The following PLPP3 variants were observed in gnomAD, a reference collection of about 807,000 sequenced individuals.
The protein encoded by PLPP3 is phospholipid phosphatase 3.
PLPP3 carries 6 observed loss-of-function variants against 29.6 expected under a neutral mutation model. The ratio of observed to expected loss-of-function variants is 0.20; its 90% CI spans 0.11 to 0.40. The LOEUF is 0.40. Among genes scored for constraint, PLPP3 ranks in the 10% least tolerant of loss-of-function variants. The pLI is 1.00. For synonymous variants in PLPP3, 152 were observed against 159.7 expected (o/e 0.95, Z 0.36); for missense variants, 308 against 407.7 (o/e 0.76, Z 2.11).
intron 4 of PLPP3, among the ~76,000 whole-genome samples, chr1:56,521,567 CCTT>C (rs1006752478): frequency 4.6e-5 from 7 of 151,922 alleles, no homozygotes; most frequent in Non-Finnish European, 5.9e-5. Flanking sequence ...AGGAGGCTCT[CCTT>C]CTTTTATTTT....
chr1:56,511,933 GT>G, intron 5 of PLPP3, 42 bp downstream of exon 5: 1 of 1,606,536 alleles, frequency 6.2e-7, no homozygotes, highest in Non-Finnish European at 8.5e-7. Flanking sequence ...ACAAGCAACA[GT>G]CCAGGGCTCC....
intron 5 of PLPP3, among the ~76,000 whole-genome samples, chr1:56,508,103 G>A (rs1167272018): frequency 6.6e-6 from 1 of 152,204 alleles, no homozygotes; most frequent in Admixed American, 6.5e-5. Context: ...CTAAATTTGT[G>A]GTAATTTGTT....
chr1:56,533,404 A>G (rs1645903969), intron 2 of PLPP3, among the ~76,000 whole-genome samples: 1 of 152,086 alleles, frequency 6.6e-6, no homozygotes, highest in South Asian at 2.1e-4. Flanking sequence ...GGTTGTGCTG[A>G]GGTTCACTAC....
At chr1:56,543,015 CAA>C (rs397737077) in intron 1 of PLPP3, among the ~76,000 whole-genome samples, 21 of 133,334 alleles carry the variant, frequency 1.6e-4, no homozygotes, top group Admixed American at 1.5e-4. Context: ...GATCTTGTTT[CAA>C]AAAAAAAAAA....
At chr1:56,554,176 C>T (rs945219500) in intron 1 of PLPP3, among the ~76,000 whole-genome samples, 4 of 151,848 alleles carry the variant, frequency 2.6e-5, no homozygotes, top group African/African-American at 9.7e-5. Context: ...CTTAGATCTA[C>T]CTTTTTTTTT....
chr1:56,523,078 A>G (rs778507098), intron 4 of PLPP3, among the ~76,000 whole-genome samples: 3 of 152,266 alleles, frequency 2.0e-5, no homozygotes, highest in Middle Eastern at 3.4e-3. Context: ...AGGAACTCAA[A>G]CATGCTGCTT....
intron 1 of PLPP3, among the ~76,000 whole-genome samples, chr1:56,564,642 CTTA>C (rs951033604): frequency 6.6e-6 from 1 of 152,152 alleles, no homozygotes; most frequent in African/African-American, 2.4e-5. Context: ...ATCAAGACAG[CTTA>C]TTATTCCCCT....
intron 5 of PLPP3, among the ~76,000 whole-genome samples, chr1:56,504,355 A>C (rs1389098267): frequency 6.6e-6 from 1 of 152,142 alleles, no homozygotes; most frequent in Admixed American, 6.5e-5. Context: ...TATGCCAAGG[A>C]ACCTTCCAGG....
chr1:56,563,994 C>T (rs1044162118), intron 1 of PLPP3, among the ~76,000 whole-genome samples: 1 of 152,250 alleles, frequency 6.6e-6, no homozygotes, highest in Non-Finnish European at 1.5e-5. Flanking sequence ...GAACACTTTA[C>T]AAGGTGTGAT....
intron 5 of PLPP3, among the ~76,000 whole-genome samples, chr1:56,507,093 G>C (rs1213895497): frequency 6.6e-6 from 1 of 152,188 alleles, no homozygotes; most frequent in Non-Finnish European, 1.5e-5. Context: ...ACTTCCATTT[G>C]ACATGTGATT....
At chr1:56,519,009 G>A (rs1195271396) in intron 4 of PLPP3, among the ~76,000 whole-genome samples, 12 of 152,020 alleles carry the variant, frequency 7.9e-5, no homozygotes, top group African/African-American at 2.9e-4. Flanking sequence ...AAAGAAGGTG[G>A]GTGGGGGCAA....
rs1645627156 is a variant in PLPP3 at position 56,495,706 on chromosome 1, G to A, written c.*845C>T. On this transcript the variant is annotated 3_prime_UTR_variant, in exon 6 of 6. Coordinates refer to ENST00000371250, the MANE Select transcript of PLPP3 (RefSeq NM_003713.5). ...CTGGGCCCTCACAGGAAATCCTGGTGGGCACGCAGCAAGGATTTCAAGGGA... is the reference window on the plus strand; with the variant it reads ...CTGGGCCCTCACAGGAAATCCTGGTAGGCACGCAGCAAGGATTTCAAGGGA... 1 of 152,660 alleles carries A rather than the reference G, an allele frequency of 6.6e-6. No individual in the cohort carries two copies. Among genetic ancestry groups the A allele is most frequent in the Non-Finnish European group, 1.5e-5 (1 of 68,058 alleles). The allele number at this position is 152,660 out of a possible 1,614,324, so 9.5% of individuals were successfully genotyped here.
intron 2 of PLPP3, among the ~76,000 whole-genome samples, chr1:56,529,384 C>T (rs2100256335): frequency 6.6e-6 from 1 of 152,276 alleles, no homozygotes; most frequent in African/African-American, 2.4e-5. Flanking sequence ...CAGTAAGGGC[C>T]TGCCATCTTG....
intron 2 of PLPP3, among the ~76,000 whole-genome samples, chr1:56,526,427 T>C (rs1645853420): frequency 2.0e-5 from 3 of 152,200 alleles, no homozygotes; most frequent in Non-Finnish European, 4.4e-5. Flanking sequence ...GTGCACTGAC[T>C]CCCTGCCCAG....
rs973795926 is a variant in PLPP3 at position 56,496,011 on chromosome 1, G to C, written c.*540C>G. On this transcript the variant is annotated 3_prime_UTR_variant, in exon 6 of 6. Transcript: ENST00000371250. ...GCCTTAGAACTGGGAATCTAGATTC[G>C]GGATCTGATCACTTGACTGAGCAAA... 3.9e-5 allele frequency: 6 copies of C among 153,220 alleles called. No homozygotes were observed. Among genetic ancestry groups the C allele is most frequent in the African/African-American group, 1.4e-4 (6 of 41,454 alleles). The allele number at this position is 153,220 out of a possible 1,614,324, so 9.5% of individuals were successfully genotyped here.
intron 1 of PLPP3, among the ~76,000 whole-genome samples, chr1:56,563,903 T>A (rs1462324423): frequency 6.6e-6 from 1 of 152,214 alleles, no homozygotes; most frequent in Non-Finnish European, 1.5e-5. Context: ...AGGTTTGGAG[T>A]TCACGTCTAT....
intron 2 of PLPP3, among the ~76,000 whole-genome samples, chr1:56,532,931 G>T (rs551735160): frequency 6.6e-6 from 1 of 152,264 alleles, no homozygotes; most frequent in African/African-American, 2.4e-5. Context: ...GTGACCTTTG[G>T]AAGGTGGGGG....
chr1:56,523,929 T>C (rs754162443), intron 3 of PLPP3, 49 bp from the exon 4 acceptor site: 4 of 1,577,454 alleles, frequency 2.5e-6, no homozygotes, highest in African/African-American at 1.4e-5. Flanking sequence ...ACATCCCTGA[T>C]ACACACTTGT....
At chr1:56,506,854 T>C (rs1191095482) in intron 5 of PLPP3, among the ~76,000 whole-genome samples, 13 of 152,182 alleles carry the variant, frequency 8.5e-5, no homozygotes, top group Non-Finnish European at 4.4e-5. Flanking sequence ...CTGAGTACGA[T>C]TGGGTCTGCC....
Sources: gnomAD v4.1 joint callset for allele counts (sites outside exome capture counted in the v4.1 genomes callset) on GRCh38, gnomAD v4.1.1 for gene constraint, MANE v1.5 for transcripts, NCBI Gene and HGNC (gene_info 2026-07-23, HGNC 2026-07-21) for gene names.